The following ADAM23 variants were observed in gnomAD, a reference collection of about 807,000 sequenced individuals.
The protein encoded by ADAM23 is disintegrin and metalloproteinase domain-containing protein 23.
ADAM23 carries 33 observed loss-of-function variants against 120.1 expected under a neutral mutation model. The observed-to-expected ratio is 0.27, with a 90% CI of 0.21 to 0.37. ADAM23 has a LOEUF of 0.37. Ranked by LOEUF, ADAM23 falls within the 10% of genes least tolerant of loss-of-function variation. The pLI is 1.00. For missense variants in ADAM23, 862 were observed against 1,058.2 expected (o/e 0.81, Z 2.57); for synonymous variants, 367 against 375.2 (o/e 0.98, Z 0.25).
In ADAM23 at chr2:206,589,644, A is replaced by G. The variant is rs931955265; in HGVS notation, c.1958+130A>G. 6.3e-6 allele frequency: 4 copies of G among 631,428 alleles called. No individual in the cohort carries two copies. In the African/African-American group the frequency reaches 7.3e-5, roughly 11 times the overall value. 39.1% of individuals were successfully genotyped at this position (631,428 alleles called of 1,614,324 possible). A position where few individuals can be genotyped will look rare whatever the true frequency, so the allele number is the denominator to read the frequency against. On this transcript the variant is annotated intron_variant, in intron 21 of 25. Transcript: ENST00000264377. ...CACCATTCCAAAATTTAAAGTATTTATTTTTAATAGGTATTATTATATCTA... is the reference window on the plus strand; with the variant it reads ...CACCATTCCAAAATTTAAAGTATTTGTTTTTAATAGGTATTATTATATCTA...
chr2:206,525,575 TTTTGTTTG>T (rs909608760), intron 3 of ADAM23, among the ~76,000 whole-genome samples: 7 of 152,114 alleles, frequency 4.6e-5, no homozygotes, highest in Non-Finnish European at 7.4e-5. Flanking sequence ...AGAAGCATAT[TTTTGTTTG>T]TTTGTTTGTT....
At chr2:206,477,896 AAATATATAT>A (rs1323709004) in intron 2 of ADAM23, among the ~76,000 whole-genome samples, 11 of 113,432 alleles carry the variant, frequency 9.7e-5, no homozygotes, top group African/African-American at 4.2e-4. Context: ...AAAAAAAAAA[AAATATATAT>A]ATATATATAT....
At chr2:206,553,815 G>A (rs1353447111) in intron 9 of ADAM23, among the ~76,000 whole-genome samples, 1 of 152,026 alleles carries the variant, frequency 6.6e-6, no homozygotes, top group Non-Finnish European at 1.5e-5. Context: ...TTTGCTGCTG[G>A]GCTTTAGGAT....
At chr2:206,602,339 T>TC in intron 24 of ADAM23, among the ~76,000 whole-genome samples, 1 of 152,328 alleles carries the variant, frequency 6.6e-6, no homozygotes, top group East Asian at 1.9e-4. Flanking sequence ...TAGACATTTG[T>TC]CCATGTATCT....
chr2:206,444,431 T>C (rs1219002417), intron 1 of ADAM23, among the ~76,000 whole-genome samples: 1 of 152,140 alleles, frequency 6.6e-6, no homozygotes, highest in Non-Finnish European at 1.5e-5. Context: ...GGTGGAACCT[T>C]AATGTGAATG....
chr2:206,543,477 C>T (rs1178877211), intron 6 of ADAM23, among the ~76,000 whole-genome samples, 161 bp downstream of exon 6: 1 of 152,152 alleles, frequency 6.6e-6, no homozygotes, highest in African/African-American at 2.4e-5. Flanking sequence ...TTAAGTTGCA[C>T]ATGCCAGGCC....
At chr2:206,557,641 C>T (rs545938134) in intron 10 of ADAM23, 143 bp downstream of exon 10, 35 of 755,404 alleles carry the variant, frequency 4.6e-5, no homozygotes, top group African/African-American at 4.2e-4. Context: ...TAGGATGGTC[C>T]GCTTCACAGA....
Position 206,515,956 on chromosome 2 carries a change from CTCTT to C in ADAM23, c.510-14925_510-14922del, listed in dbSNP as rs1484705226. On this transcript the variant is annotated intron_variant, in intron 3 of 25. Transcript: ENST00000264377. Reference sequence around the variant, plus strand: ...AATGTCAGAATTGGGCTGGGCTCTTCTCTTTCTATTATCTGTAAACATTTTGGGT... The same window carrying C: ...AATGTCAGAATTGGGCTGGGCTCTTCTCTATTATCTGTAAACATTTTGGGT... 2.0e-5 allele frequency among the ~76,000 whole-genome samples: 3 copies of C among 152,036 alleles called. No individual in the cohort carries two copies. In the East Asian group the frequency reaches 5.8e-4, roughly 29 times the overall value.
chr2:206,547,936 T>G (rs1049093003), intron 7 of ADAM23, among the ~76,000 whole-genome samples: 1 of 152,236 alleles, frequency 6.6e-6, no homozygotes, highest in Non-Finnish European at 1.5e-5. Context: ...GCTAAAAGTC[T>G]TTAATAATTT....
chr2:206,542,552 AAG>A (rs1176724712), intron 5 of ADAM23, among the ~76,000 whole-genome samples: 2 of 152,134 alleles, frequency 1.3e-5, no homozygotes, highest in African/African-American at 2.4e-5. Flanking sequence ...TGGGGTGACA[AAG>A]AGAGGGGTTC....
intron 4 of ADAM23, among the ~76,000 whole-genome samples, chr2:206,533,554 C>T (rs768676151): frequency 6.6e-6 from 1 of 152,286 alleles, no homozygotes; most frequent in East Asian, 1.9e-4. Flanking sequence ...TGTACACACA[C>T]ATGTAGACAC....
chr2:206,565,439 C>T (rs908436833), intron 14 of ADAM23, among the ~76,000 whole-genome samples: 1 of 152,028 alleles, frequency 6.6e-6, no homozygotes, highest in Non-Finnish European at 1.5e-5. Context: ...TTAAGGAACT[C>T]GTAAATATAT....
intron 3 of ADAM23, among the ~76,000 whole-genome samples, chr2:206,487,581 G>A (rs747603542): frequency 4.6e-5 from 7 of 152,300 alleles, no homozygotes; most frequent in Non-Finnish European, 8.8e-5. Context: ...AGGCTATTGC[G>A]TATATGTGGG....
chr2:206,587,759 G>A (rs1698352781), intron 19 of ADAM23, among the ~76,000 whole-genome samples: 2 of 152,132 alleles, frequency 1.3e-5, no homozygotes, highest in Admixed American at 6.5e-5. Context: ...GTCAAATGCA[G>A]ATTTGATGTT....
rs1340045951 is a variant in ADAM23 at position 206,494,200 on chromosome 2, C to T, written c.509+12892C>T. Reference sequence around the variant, plus strand: ...AATTAATTATAGTCACCATACTGCACATTACATCCACTGAACTTACTGATT... The same window carrying T: ...AATTAATTATAGTCACCATACTGCATATTACATCCACTGAACTTACTGATT... On this transcript the variant is annotated intron_variant, in intron 3 of 25. Transcript: ENST00000264377. Among the ~76,000 whole-genome samples, 3 of 152,178 alleles carry T rather than the reference C, an allele frequency of 2.0e-5. No individual in the cohort carries two copies. In the East Asian group the frequency reaches 5.8e-4, roughly 29 times the overall value.
chr2:206,577,523 T>C (rs1050041200), intron 18 of ADAM23, among the ~76,000 whole-genome samples: 2 of 142,896 alleles, frequency 1.4e-5, no homozygotes, highest in East Asian at 2.0e-4. Flanking sequence ...TTTGGTTTTT[T>C]GTTCTTGCGA....
chr2:206,499,329 T>C (rs1249637674), intron 3 of ADAM23, among the ~76,000 whole-genome samples: 1 of 151,454 alleles, frequency 6.6e-6, no homozygotes, highest in Non-Finnish European at 1.5e-5. Context: ...AAGGATGAGT[T>C]CATGTCCTTT....
chr2:206,464,585 A>G (rs1300965424), intron 2 of ADAM23, among the ~76,000 whole-genome samples: 1 of 150,694 alleles, frequency 6.6e-6, no homozygotes, highest in Non-Finnish European at 1.5e-5. Context: ...AAAAAAAAAT[A>G]ATAATAATAA....
intron 2 of ADAM23, among the ~76,000 whole-genome samples, chr2:206,474,659 C>CA (rs1695738197): frequency 6.6e-6 from 1 of 152,112 alleles, no homozygotes; most frequent in Admixed American, 6.5e-5. Context: ...ACTGCAGCCT[C>CA]AAACACCTGG....
Sources: gnomAD v4.1 joint callset for allele counts (sites outside exome capture counted in the v4.1 genomes callset) on GRCh38, gnomAD v4.1.1 for gene constraint, MANE v1.5 for transcripts, NCBI Gene and HGNC (gene_info 2026-07-23, HGNC 2026-07-21) for gene names.